PC: variants seen among roughly 807,000 people sequenced by gnomAD.
PC encodes pyruvate carboxylase, mitochondrial.
In PC, 46 loss-of-function variants were observed where a neutral mutation model predicts 107.8. That is an observed-to-expected ratio of 0.43 (90% CI 0.34 to 0.55). The LOEUF (loss-of-function observed/expected upper bound fraction) is 0.55, where lower values mean the gene tolerates loss of function less well. Among genes scored for constraint, PC ranks in the 20% least tolerant of loss-of-function variants. PC has a pLI of 0.04. For missense variants in PC, 1,241 were observed against 1,643.1 expected, an observed-to-expected ratio of 0.76 and a Z score of 4.23; for synonymous variants, 662 against 684.7, an observed-to-expected ratio of 0.97 and a Z score of 0.52.
chr11:66,891,183 A>C (rs930407487), intron 3 of PC, among the ~76,000 whole-genome samples: 1 of 151,728 alleles, frequency 6.6e-6, no homozygotes, highest in African/African-American at 2.4e-5. Context: ...CAGCCTCCTG[A>C]GTAGCTGGGA....
chr11:66,925,686 A>C (rs984278903), intron 3 of PC, among the ~76,000 whole-genome samples: 3 of 152,208 alleles, frequency 2.0e-5, no homozygotes, highest in African/African-American at 7.2e-5. Context: ...TAAGATTGAA[A>C]GATTAAAGGC....
intron 3 of PC, among the ~76,000 whole-genome samples, chr11:66,940,022 G>A (rs1949091417): frequency 6.6e-6 from 1 of 151,914 alleles, no homozygotes; most frequent in Admixed American, 6.6e-5. Context: ...CCAAAGGCAG[G>A]CACAGGCAAC....
rs137870480 is a variant in PC at position 66,919,760 on chromosome 11, G to A, written c.-1+32670C>T. The stretch of plus-strand genomic sequence containing the variant: ...ATGAAGTCAGAACTGAAACCTAGGC[G>A]TTAGTGTTACAGCACTTTTAGAATT... On this transcript the variant is annotated intron_variant, in intron 3 of 22. Coordinates refer to ENST00000393960, the MANE Select transcript of PC (RefSeq NM_001040716.2). 6 of 152,304 alleles carry A rather than the reference G, an allele frequency of 3.9e-5. No individual in the cohort carries two copies. In the East Asian group the frequency reaches 5.8e-4, roughly 15 times the overall value. 9.4% of individuals were successfully genotyped at this position (152,304 alleles called of 1,614,324 possible). A position where few individuals can be genotyped will look rare whatever the true frequency, so the allele number is the denominator to read the frequency against.
rs1324553572 is a variant in PC, at chr11:66,870,421, C to T, written c.784G>A (p.Glu262Lys). The T allele has an allele frequency of 8.1e-6, 13 of 1,613,568 alleles. No individual in the cohort carries two copies. Among genetic ancestry groups the T allele is most frequent in the East Asian group, 2.2e-5 (1 of 44,894 alleles). The change falls in exon 9 of 23, where the codon GAG becomes AAG. Residue 262 changes from glutamate to lysine, a missense_variant. By Grantham distance (56) the Glu-to-Lys change is moderately conservative (BLOSUM62 1). This residue lies in a region of PC where 1,143 missense variants were observed against 1,551.9 expected (regional missense o/e 0.74). Coordinates refer to ENST00000393960, the MANE Select transcript of PC (RefSeq NM_001040716.2). This position sits in a 1 kb window ranked among gnomAD's most constrained non-coding sequence, Gnocchi z 6.1. ...CGCCGCTGGATGGAGCAGTCTCGCTCGTACAGGTGCAGGATGTTCCCATAC... is the reference window on the plus strand; with the variant it reads ...CGCCGCTGGATGGAGCAGTCTCGCTTGTACAGGTGCAGGATGTTCCCATAC... ...DQYGNILHLY[E>K]RDCSIQRRHQ...
chr11:66,895,264 T>C (rs898979260), intron 3 of PC, among the ~76,000 whole-genome samples: 1 of 152,118 alleles, frequency 6.6e-6, no homozygotes, highest in Non-Finnish European at 1.5e-5. Context: ...TCCCAGGTGT[T>C]GACACTGAGG....
At chr11:66,884,611 G>A (rs76549478) in intron 3 of PC, among the ~76,000 whole-genome samples, 282 of 152,268 alleles carry the variant, frequency 1.9e-3, no homozygotes, top group Middle Eastern at 6.8e-3. Flanking sequence ...GACAAGGTCA[G>A]CAAAAAGCAC....
intron 3 of PC, among the ~76,000 whole-genome samples, chr11:66,927,321 C>A (rs1026725762): frequency 3.3e-5 from 5 of 150,136 alleles, no homozygotes; most frequent in African/African-American, 1.2e-4. Flanking sequence ...CCCAGCCACA[C>A]CAGTGTACTC....
intron 12 of PC, among the ~76,000 whole-genome samples, chr11:66,855,481 T>C (rs1382381230): frequency 6.6e-6 from 1 of 152,208 alleles, no homozygotes; most frequent in South Asian, 2.1e-4. Context: ...GTATTTTTAA[T>C]AGAGATGGGG....
chr11:66,870,439 TCCCATACTGGTC>T lies in PC; in HGVS notation c.754_765del (p.Asp252_Gly255del). On this transcript the variant is annotated inframe_deletion and splice_region_variant, in exon 9 of 23. Coordinates refer to ENST00000393960, the MANE Select transcript of PC (RefSeq NM_001040716.2). This position sits in a 1 kb window ranked among gnomAD's most constrained non-coding sequence, Gnocchi z 6.1. The stretch of plus-strand genomic sequence containing the variant: ...TCTCGCTCGTACAGGTGCAGGATGT[TCCCATACTGGTC>T]CCCTGGGGAGGGAGGTAAACTGGGC... 6.2e-7 allele frequency: 1 copy of T among 1,613,546 alleles called. No homozygotes were observed.
In PC at chr11:66,850,818, C is replaced by T; in HGVS notation, c.2329G>A (p.Gly777Arg). The change falls in exon 18 of 23, where the codon GGG (glycine) becomes AGG (arginine). Residue 777 changes from glycine (G) to arginine (R), a missense_variant. Physicochemically the swap from Gly to Arg is moderately radical, Grantham distance 125. This residue lies in a region of PC where 1,143 missense variants were observed against 1,551.9 expected (regional missense o/e 0.74). Coordinates refer to ENST00000393960, the MANE Select transcript of PC (RefSeq NM_001040716.2). ...PLHIHTHDTSGAGVAAMLACA... is the reference protein window; with the variant it reads ...PLHIHTHDTSRAGVAAMLACA... The stretch of plus-strand genomic sequence containing the variant: ...GCCAGCATGGCTGCCACGCCTGCCC[C>T]TGACGTGTCGTGGGTGTGGATGTGC... 1 of 1,612,174 alleles carries T rather than the reference C, an allele frequency of 6.2e-7. No homozygotes were observed. The highest frequency in any genetic ancestry group is 8.5e-7 in the Non-Finnish European group (1 of 1,180,034).
intron 3 of PC, among the ~76,000 whole-genome samples, chr11:66,878,713 G>C (rs1450046699): frequency 2.0e-5 from 3 of 152,240 alleles, no homozygotes; most frequent in Non-Finnish European, 4.4e-5. Context: ...AGCAGGCCTA[G>C]ACTTGAGGCC....
At chr11:66,926,928 T>C (rs541253056) in intron 3 of PC, among the ~76,000 whole-genome samples, 1 of 151,902 alleles carries the variant, frequency 6.6e-6, no homozygotes, top group Non-Finnish European at 1.5e-5. Flanking sequence ...ACTGGATGGG[T>C]AGGCCACATT....
At chr11:66,947,378 T>C (rs376023831) in intron 3 of PC, among the ~76,000 whole-genome samples, 1 of 142,966 alleles carries the variant, frequency 7.0e-6, no homozygotes, top group South Asian at 2.2e-4. Flanking sequence ...GGTCAGGAGA[T>C]CAAGACCATT....
chr11:66,859,175 C>T (rs940980194), intron 12 of PC: 15 of 1,421,834 alleles, frequency 1.1e-5, no homozygotes, highest in African/African-American at 7.3e-5. Flanking sequence ...TTGCTTCCAC[C>T]CCTCCTCTCT....
rs71045970 is a variant in PC, at chr11:66,924,369, C to CAAAAAAAAAA, written c.-1+28051_-1+28060dup. 8.6e-3 allele frequency among the ~76,000 whole-genome samples: 564 copies of CAAAAAAAAAA among 65,498 alleles called. 35 individuals are homozygous for CAAAAAAAAAA. Among genetic ancestry groups the CAAAAAAAAAA allele is most frequent in the East Asian group, 0.023 (52 of 2,232 alleles). The allele number at this position is 65,498 out of a possible 152,430, so 43.0% of individuals were successfully genotyped here. A position where few individuals can be genotyped will look rare whatever the true frequency, so the allele number is the denominator to read the frequency against. On this transcript the variant is annotated intron_variant, in intron 3 of 22. Coordinates refer to ENST00000393960, the MANE Select transcript of PC (RefSeq NM_001040716.2). ...TAACATAGCAAGACCCCATCTCTAC[C>CAAAAAAAAAA]AAAAAAAAAAAAAAAAAAAATTAGC...
intron 11 of PC, among the ~76,000 whole-genome samples, chr11:66,865,533 G>A (rs1229320625): frequency 2.6e-5 from 4 of 152,172 alleles, no homozygotes; most frequent in African/African-American, 9.7e-5. Flanking sequence ...ACTGGGTCCC[G>A]GTGCTGAGAG....
intron 3 of PC, among the ~76,000 whole-genome samples, chr11:66,896,506 C>T (rs117003736): frequency 0.016 from 2,450 of 152,272 alleles, 39 homozygotes; most frequent in South Asian, 0.043. Flanking sequence ...AGCAAGCAAA[C>T]GAGAAAGAGG....
chr11:66,934,163 G>C (rs1348512548), intron 3 of PC, among the ~76,000 whole-genome samples: 1 of 152,052 alleles, frequency 6.6e-6, no homozygotes, highest in East Asian at 1.9e-4. Flanking sequence ...TCACACATGC[G>C]AGGACCAGCT....
Position 66,852,161 on chromosome 11 carries a change from T to G in PC, c.1826-215A>C, listed in dbSNP as rs1945540092. Reference sequence around the variant, plus strand: ...TCATTTGTGTCCCTTCTATGCCCCCTTTATAATCCCATCTTCTCCTCTACC... The same window carrying G: ...TCATTTGTGTCCCTTCTATGCCCCCGTTATAATCCCATCTTCTCCTCTACC... On this transcript the variant is annotated intron_variant, in intron 15 of 22. Coordinates refer to ENST00000393960, the MANE Select transcript of PC (RefSeq NM_001040716.2). This position sits in a 1 kb window ranked among gnomAD's most constrained non-coding sequence, Gnocchi z 4.7. 6.6e-6 allele frequency among the ~76,000 whole-genome samples: 1 copy of G among 152,198 alleles called. No homozygotes were observed. The highest frequency in any genetic ancestry group is 6.5e-5 in the Admixed American group (1 of 15,280).
Sources: gnomAD v4.1 joint callset for allele counts (sites outside exome capture counted in the v4.1 genomes callset) on GRCh38, gnomAD v4.1.1 for gene constraint, gnomAD v4.1.1 regional missense constraint, Gnocchi (gnomAD v3.1) non-coding constraint, MANE v1.5 for transcripts, NCBI Gene and HGNC (gene_info 2026-07-23, HGNC 2026-07-21) for gene names.